Variants in ADIPOR2 observed in about 807,000 individuals in gnomAD.
ADIPOR2 encodes adiponectin receptor 2, also known as adiponectin receptor protein 2.
ADIPOR2 carries 18 observed loss-of-function variants against 40.9 expected under a neutral mutation model. The ratio of observed to expected loss-of-function variants is 0.44; its 90% CI spans 0.30 to 0.65. ADIPOR2 has a LOEUF of 0.65. Ranked by LOEUF, ADIPOR2 falls within the 30% of genes least tolerant of loss-of-function variation. ADIPOR2 has a pLI of 0.09. For missense variants in ADIPOR2, 283 were observed against 479.2 expected (o/e 0.59, Z 3.82); for synonymous variants, 165 against 166.4 (o/e 0.99, Z 0.06).
intron 1 of ADIPOR2, among the ~76,000 whole-genome samples, chr12:1,722,355 TTTG>T (rs1439071565): frequency 1.3e-5 from 2 of 152,140 alleles, no homozygotes; most frequent in African/African-American, 2.4e-5. Context: ...TGAGTTCTGT[TTTG>T]TTAAGTTTGA....
chr12:1,748,347 C>G (rs200433645), intron 1 of ADIPOR2, among the ~76,000 whole-genome samples: 4 of 152,058 alleles, frequency 2.6e-5, no homozygotes, highest in Non-Finnish European at 1.5e-5. Flanking sequence ...CTCCCGGGTT[C>G]ACGCCATTCT....
At chr12:1,717,824 TATA>T (rs925114579) in intron 1 of ADIPOR2, among the ~76,000 whole-genome samples, 59 of 152,298 alleles carry the variant, frequency 3.9e-4, no homozygotes, top group African/African-American at 1.1e-3. Context: ...TTTAGTAAAA[TATA>T]ATGTATTTTG....
intron 2 of ADIPOR2, among the ~76,000 whole-genome samples, chr12:1,760,026 G>C (rs1474915976): frequency 6.6e-6 from 1 of 151,546 alleles, no homozygotes; most frequent in East Asian, 1.9e-4. Context: ...ACTCTGTCTC[G>C]GGGAAAACAA....
chr12:1,704,142 C>G (rs2094657144), intron 1 of ADIPOR2, among the ~76,000 whole-genome samples: 1 of 136,244 alleles, frequency 7.3e-6, no homozygotes. Context: ...AACCATATTA[C>G]TGTTAACAGA....
intron 1 of ADIPOR2, among the ~76,000 whole-genome samples, chr12:1,748,312 G>C (rs376010884): frequency 9.9e-5 from 15 of 152,106 alleles, no homozygotes; most frequent in East Asian, 1.9e-4. Flanking sequence ...GCAGTGGCGC[G>C]ATCTCGGCTC....
At chr12:1,760,940 TTAG>T (rs1189055982) in intron 2 of ADIPOR2, 4 of 152,226 alleles carry the variant, frequency 2.6e-5, no homozygotes, top group Non-Finnish European at 4.4e-5. Context: ...ACTTAGTTAC[TTAG>T]TAGCCTTCTG....
intron 1 of ADIPOR2, among the ~76,000 whole-genome samples, chr12:1,695,369 G>T (rs993806019): frequency 1.3e-5 from 2 of 150,014 alleles, no homozygotes; most frequent in Non-Finnish European, 3.0e-5. Context: ...AAAAAAAAAA[G>T]TGGGCTGAGG....
chr12:1,761,295 C>G (rs1011717592), intron 2 of ADIPOR2, among the ~76,000 whole-genome samples: 1 of 152,086 alleles, frequency 6.6e-6, no homozygotes, highest in Non-Finnish European at 1.5e-5. Flanking sequence ...TTCCACTTTT[C>G]GACTGTTGCA....
chr12:1,709,609 A>G (rs1300336229), intron 1 of ADIPOR2, among the ~76,000 whole-genome samples: 1 of 152,212 alleles, frequency 6.6e-6, no homozygotes, highest in Non-Finnish European at 1.5e-5. Flanking sequence ...ACGTAGAAGT[A>G]CATTTGGATT....
chr12:1,754,699 T>TTAC (rs59598626), intron 2 of ADIPOR2, among the ~76,000 whole-genome samples, 185 bp downstream of exon 2: 23,629 of 102,938 alleles, frequency 0.23, 2,105 homozygotes, highest in Non-Finnish European at 0.3. Flanking sequence ...ATTATTATTA[T>TTAC]TACTACTACT....
At chr12:1,757,961 A>G (rs900100246) in intron 2 of ADIPOR2, 11 of 1,056,124 alleles carry the variant, frequency 1.0e-5, no homozygotes, top group Admixed American at 1.7e-5. Flanking sequence ...CCAGCATCCA[A>G]TGCTTTGGAG....
chr12:1,720,019 G>A (rs2094694821), intron 1 of ADIPOR2, among the ~76,000 whole-genome samples: 1 of 152,088 alleles, frequency 6.6e-6, no homozygotes, highest in African/African-American at 2.4e-5. Context: ...GATACAAAGT[G>A]AATTCTAAAG....
chr12:1,734,739 T>A (rs2094726953), intron 1 of ADIPOR2, among the ~76,000 whole-genome samples: 1 of 152,222 alleles, frequency 6.6e-6, no homozygotes, highest in Non-Finnish European at 1.5e-5. Context: ...TTTTTAGGTG[T>A]AACATTTAAG....
chr12:1,737,527 A>G (rs979310121), intron 1 of ADIPOR2, among the ~76,000 whole-genome samples: 2 of 152,166 alleles, frequency 1.3e-5, no homozygotes, highest in African/African-American at 4.8e-5. Flanking sequence ...AATTTTGGAA[A>G]AGAAGTACAC....
At chr12:1,755,278 C>T (rs1026032982) in intron 2 of ADIPOR2, among the ~76,000 whole-genome samples, 3 of 152,084 alleles carry the variant, frequency 2.0e-5, no homozygotes, top group African/African-American at 7.2e-5. Flanking sequence ...TGGAGTTTCA[C>T]CATGTTGGCC....
Position 1,757,914 on chromosome 12 carries a change from GTGGA to G in ADIPOR2, c.171+3405_171+3408del, listed in dbSNP as rs1862176679. The G allele has an allele frequency of 7.0e-6, 6 of 860,500 alleles. No homozygotes were observed. In the Admixed American group the frequency reaches 8.5e-5, roughly 12 times the overall value. The allele number at this position is 860,500 out of a possible 1,614,324, so 53.3% of individuals were successfully genotyped here. ...ACACTCTCTCAACTTGTGGGGACTA[GTGGA>G]TGGACGAGGAGCAAACACACCGGTC... On this transcript the variant is annotated intron_variant, in intron 2 of 7. Coordinates refer to ENST00000357103, the MANE Select transcript of ADIPOR2 (RefSeq NM_024551.3).
intron 2 of ADIPOR2, among the ~76,000 whole-genome samples, chr12:1,770,146 T>TC (rs1364761051): frequency 1.3e-5 from 2 of 152,154 alleles, no homozygotes; most frequent in Non-Finnish European, 2.9e-5. Context: ...GGTCTCGAGC[T>TC]CCTGGGCTCA....
intron 1 of ADIPOR2, among the ~76,000 whole-genome samples, chr12:1,735,877 G>A (rs568519305): frequency 6.6e-6 from 1 of 152,182 alleles, no homozygotes; most frequent in African/African-American, 2.4e-5. Context: ...TGTTGGTTCT[G>A]TTTGTATGCT....
At chr12:1,755,778 T>C (rs2154443560) in intron 2 of ADIPOR2, among the ~76,000 whole-genome samples, 1 of 152,350 alleles carries the variant, frequency 6.6e-6, no homozygotes, top group Non-Finnish European at 1.5e-5. Flanking sequence ...GTTGTACCTA[T>C]TAGTGGGTTT....
Sources: allele counts gnomAD v4.1 joint callset (sites outside exome capture counted in the v4.1 genomes callset), GRCh38; gene constraint gnomAD v4.1.1; transcripts MANE v1.5; gene names NCBI Gene and HGNC (gene_info 2026-07-23, HGNC 2026-07-21).